INSR: variants seen among roughly 807,000 people sequenced by gnomAD.
INSR encodes the protein IR.
A neutral mutation model predicts 142.6 loss-of-function variants in INSR; 67 were observed. The ratio of observed to expected loss-of-function variants is 0.47; its 90% CI spans 0.39 to 0.58. The LOEUF is 0.58. INSR is among the 20% of genes least tolerant of loss of function. The pLI is 0.00. For missense variants in INSR, 1,248 were observed against 1,833.2 expected (o/e 0.68, Z 5.83); for synonymous variants, 756 against 743.1 (o/e 1.02, Z -0.28).
Position 7,143,046 on chromosome 19 carries a change from G to T in INSR, c.2312C>A (p.Thr771Lys). 5 of 1,614,220 alleles carry T rather than the reference G, an allele frequency of 3.1e-6. No individual in the cohort carries two copies. The highest frequency in any genetic ancestry group is 4.2e-6 in the Non-Finnish European group (5 of 1,180,044). The change falls in exon 12 of 22, where the codon ACG becomes AAG. Residue 771 changes from threonine to lysine, a missense_variant. By Grantham distance (78) the Thr-to-Lys change is moderately conservative. Transcript: ENST00000302850. ...AGCTGCCACCGTGGGCACGGCCACC[G>T]TCACATTCCCAACATCGCCAAGGGA... ...RRSLGDVGNV[T>K]VAVPTVAAFP...
intron 21 of INSR, 48 bp from the exon 22 acceptor site, chr19:7,117,458 C>T (rs756632092): frequency 1.4e-5 from 20 of 1,427,252 alleles, no homozygotes; most frequent in East Asian, 4.6e-5. Flanking sequence ...GGCCCTGCCA[C>T]GCATCCTCCC....
At chr19:7,204,443 C>T (rs753101787) in intron 2 of INSR, among the ~76,000 whole-genome samples, 4 of 152,066 alleles carry the variant, frequency 2.6e-5, no homozygotes, top group African/African-American at 4.8e-5. Flanking sequence ...CTCGTTTTCC[C>T]GGGGGGCCAC....
At position 7,192,634 on chromosome 19, in the gene INSR, G is replaced by T. The variant is rs919807117; in HGVS notation, c.653-7997C>A. ...GCAGGAAAATGCCAAACCGTCCGGG[G>T]GCTGTCACTCCCTCACACCTGCACA... On this transcript the variant is annotated intron_variant, in intron 2 of 21. Coordinates refer to ENST00000302850, the MANE Select transcript of INSR (RefSeq NM_000208.4). This position sits in a 1 kb window ranked among gnomAD's most constrained non-coding sequence, Gnocchi z 4.2. Among the ~76,000 whole-genome samples, 7 of 152,168 alleles carry T rather than the reference G, an allele frequency of 4.6e-5. No individual in the cohort carries two copies. The highest frequency in any genetic ancestry group is 1.7e-4 in the African/African-American group (7 of 41,442).
chr19:7,142,548 A>G lies in INSR; in HGVS notation c.2542+268T>C, dbSNP rs1388250073. Among the ~76,000 whole-genome samples the G allele has an allele frequency of 9.9e-5, 15 of 152,114 alleles. No homozygotes were observed. In the East Asian group the frequency reaches 2.9e-3, roughly 30 times the overall value. ...CATCTCTACTAAAAATACAAAAATT[A>G]GCTGGGCGTGGTGGCAGACACCTGT... On this transcript the variant is annotated intron_variant, in intron 12 of 21. Transcript: ENST00000302850.
At position 7,293,914 on chromosome 19, in the gene INSR, C is replaced by T. The variant is rs1600141456; in HGVS notation, c.-23G>A. The T allele has an allele frequency of 5.0e-6, 6 of 1,196,326 alleles. No homozygotes were observed. The East Asian group carries it at 1.9e-4, about 38-fold the overall frequency. The allele number at this position is 1,196,326 out of a possible 1,614,324, so 74.1% of individuals were successfully genotyped here. ...CATGGCTGCGGGAGCGCGGGGTCTC[C>T]TCGGATCAGAGCGCGCGGCGCTGGC... On this transcript the variant is annotated 5_prime_UTR_variant, in exon 1 of 22. Coordinates refer to ENST00000302850, the MANE Select transcript of INSR (RefSeq NM_000208.4).
intron 2 of INSR, among the ~76,000 whole-genome samples, chr19:7,246,405 C>T (rs967687777): frequency 4.6e-5 from 7 of 152,122 alleles, no homozygotes; most frequent in African/African-American, 1.7e-4. Flanking sequence ...CCAAGGCCTC[C>T]CAGCTGACAG....
At chr19:7,128,004 A>G (rs965396978) in intron 15 of INSR, among the ~76,000 whole-genome samples, 5 of 151,860 alleles carry the variant, frequency 3.3e-5, no homozygotes, top group Non-Finnish European at 7.4e-5. Flanking sequence ...GGCCTCCCAA[A>G]GTGTTGGGAT....
rs542208896 is a variant in INSR at position 7,247,885 on chromosome 19, CA to C, written c.652+19459del. Among the ~76,000 whole-genome samples the C allele has an allele frequency of 1.5e-3, 233 of 152,288 alleles. 3 individuals carry two copies. Among genetic ancestry groups the C allele is most frequent in the South Asian group, 1.5e-3 (7 of 4,824 alleles). The stretch of plus-strand genomic sequence containing the variant: ...AAATATGGTGAGTACAACTGAGGGA[CA>C]AATATCTAATTTTAATGAATTTCTA... On this transcript the variant is annotated intron_variant, in intron 2 of 21. Coordinates refer to ENST00000302850, the MANE Select transcript of INSR (RefSeq NM_000208.4).
intron 2 of INSR, among the ~76,000 whole-genome samples, chr19:7,208,145 G>A (rs1458416750): frequency 6.6e-6 from 1 of 152,068 alleles, no homozygotes; most frequent in Admixed American, 6.6e-5. Context: ...CCTCTGAGAT[G>A]CTACTGACCT....
chr19:7,155,601 G>A (rs1196255954), intron 9 of INSR, among the ~76,000 whole-genome samples: 1 of 136,816 alleles, frequency 7.3e-6, no homozygotes, highest in African/African-American at 3.1e-5. Context: ...GAGAGAGAAT[G>A]GTGGGAGGGG....
Position 7,141,677 on chromosome 19 carries a change from C to G in INSR, c.2682G>C (p.Glu894Asp). Reference sequence around the variant, plus strand: ...CATGCCCAAGAGTCAAGGGCCTTACCTCATCACCATATCGCCGATAACTCA... The same window carrying G: ...CATGCCCAAGAGTCAAGGGCCTTACGTCATCACCATATCGCCGATAACTCA... ...YEVSYRRYGDEELHLCVSRKH... is the reference protein window; with the variant it reads ...YEVSYRRYGDDELHLCVSRKH... The change falls in exon 13 of 22, where the codon GAG becomes GAC. Residue 894 changes from glutamate (E) to aspartate (D), a missense_variant and splice_region_variant. Glu to Asp is a conservative substitution (Grantham distance 45). This residue lies in a region of INSR where 1,069 missense variants were observed against 1,654.0 expected (regional missense o/e 0.65). Coordinates refer to ENST00000302850, the MANE Select transcript of INSR (RefSeq NM_000208.4). 6.2e-7 allele frequency: 1 copy of G among 1,614,196 alleles called. No individual in the cohort carries two copies. Among genetic ancestry groups the G allele is most frequent in the Non-Finnish European group, 8.5e-7 (1 of 1,180,028 alleles).
Position 7,117,207 on chromosome 19 carries a change from G to C in INSR, c.3998C>G (p.Ser1333Trp). The C allele has an allele frequency of 1.2e-6, 2 of 1,614,122 alleles. No individual in the cohort carries two copies. Among genetic ancestry groups the C allele is most frequent in the Non-Finnish European group, 1.7e-6 (2 of 1,180,024 alleles). Residue 1333 changes from serine (S) to tryptophan (W), a missense_variant, in exon 22 of 22, where the codon TCG (serine) becomes TGG (tryptophan). Ser to Trp is a radical substitution (Grantham distance 177, BLOSUM62 -3). This residue lies in a region of INSR where 122 missense variants were observed against 129.8 expected (regional missense o/e 0.94). Transcript: ENST00000302850. ...CCCCGCCTCCTCCCTCTGACAGTGCGAGGAACGGTCCAGGGGCACATTCTC... is the reference window on the plus strand; with the variant it reads ...CCCCGCCTCCTCCCTCTGACAGTGCCAGGAACGGTCCAGGGGCACATTCTC... ...DMENVPLDRSSHCQREEAGGR... is the reference protein window; with the variant it reads ...DMENVPLDRSWHCQREEAGGR...
At chr19:7,274,035 C>T (rs1967994052) in intron 1 of INSR, among the ~76,000 whole-genome samples, 1 of 151,716 alleles carries the variant, frequency 6.6e-6, no homozygotes, top group African/African-American at 2.4e-5. Context: ...ATAATCAATC[C>T]TAAAAAAAAA....
chr19:7,266,118 G>T (rs1004017939), intron 2 of INSR, among the ~76,000 whole-genome samples: 1 of 152,122 alleles, frequency 6.6e-6, no homozygotes, highest in Non-Finnish European at 1.5e-5. Flanking sequence ...TAGAAACAAT[G>T]ACAACACGTC....
chr19:7,270,131 G>C (rs1011793122), intron 1 of INSR, among the ~76,000 whole-genome samples: 7 of 152,022 alleles, frequency 4.6e-5, no homozygotes, highest in Admixed American at 4.6e-4. Flanking sequence ...TGTATTTTTA[G>C]TAGAGACGGG....
chr19:7,149,809 T>A (rs1466017796), intron 11 of INSR, among the ~76,000 whole-genome samples: 8 of 124,656 alleles, frequency 6.4e-5, no homozygotes, highest in South Asian at 4.8e-4. Context: ...GCAACAAGAG[T>A]GAAATTCCAT....
chr19:7,266,421 G>A (rs1967730288), intron 2 of INSR, among the ~76,000 whole-genome samples: 1 of 142,704 alleles, frequency 7.0e-6, no homozygotes, highest in African/African-American at 2.6e-5. Context: ...GTTTCCCTCT[G>A]GTTGCCCAGG....
Position 7,116,168 on chromosome 19 carries a change from G to C in INSR, c.*888C>G, listed in dbSNP as rs1480897167. 7.8e-6 allele frequency: 1 copy of C among 128,906 alleles called. No homozygotes were observed. Among genetic ancestry groups the C allele is most frequent in the Non-Finnish European group, 1.6e-5 (1 of 63,914 alleles). 8.0% of individuals were successfully genotyped at this position (128,906 alleles called of 1,614,324 possible). ...TCCTAGCTTGGTTTGGTCTTGAAAA[G>C]ATTCATAATCACTCCAAATGAAATG... On this transcript the variant is annotated 3_prime_UTR_variant, in exon 22 of 22. Transcript: ENST00000302850.
chr19:7,196,217 G>T (rs924228451), intron 2 of INSR, among the ~76,000 whole-genome samples: 1 of 152,166 alleles, frequency 6.6e-6, no homozygotes, highest in African/African-American at 2.4e-5. Flanking sequence ...TTACAGGCAT[G>T]AGCCACCACG....
Sources: allele counts gnomAD v4.1 joint callset (sites outside exome capture counted in the v4.1 genomes callset), GRCh38; gene constraint gnomAD v4.1.1; regional missense constraint gnomAD v4.1.1; non-coding constraint Gnocchi (gnomAD v3.1); transcripts MANE v1.5; gene names NCBI Gene and HGNC (gene_info 2026-07-23, HGNC 2026-07-21).